Variants in EXOC4 observed in about 807,000 individuals in gnomAD.
EXOC4 encodes exocyst complex component 4, also known as SEC8-like 1.
Under a neutral mutation model 107.2 loss-of-function variants are expected in EXOC4, and 71 were observed. The ratio of observed to expected loss-of-function variants is 0.66; its 90% confidence interval spans 0.55 to 0.81. EXOC4 has a LOEUF of 0.81. Among genes scored for constraint, EXOC4 ranks in the 30% least tolerant of loss-of-function variants. EXOC4 has a pLI of 0.00. For synonymous variants in EXOC4, 456 were observed against 441.2 expected, an observed-to-expected ratio of 1.03 and a Z score of -0.42; for missense variants, 1,108 against 1,189.6, an observed-to-expected ratio of 0.93 and a Z score of 1.01.
chr7:133,864,054 C>T (rs1326710274), intron 11 of EXOC4, among the ~76,000 whole-genome samples: 3 of 152,078 alleles, frequency 2.0e-5, no homozygotes, highest in Non-Finnish European at 4.4e-5. Flanking sequence ...TGATTGCTGA[C>T]CATGTCTCTG....
chr7:133,947,605 G>C (rs370619611), intron 14 of EXOC4, among the ~76,000 whole-genome samples: 1 of 152,168 alleles, frequency 6.6e-6, no homozygotes, highest in African/African-American at 2.4e-5. Context: ...TCAGCTGGTC[G>C]TTAGTAGAGT....
At chr7:133,650,479 A>C (rs375289686) in intron 10 of EXOC4, among the ~76,000 whole-genome samples, 1 of 152,132 alleles carries the variant, frequency 6.6e-6, no homozygotes, top group Non-Finnish European at 1.5e-5. Flanking sequence ...TTAATCTTCA[A>C]ATTGGTGGGT....
At position 134,004,937 on chromosome 7, in the gene EXOC4, C is replaced by T; in HGVS notation, c.2374C>T (p.Pro792Ser). The T allele has an allele frequency of 6.2e-7, 1 of 1,613,218 alleles. No homozygotes were observed. Among genetic ancestry groups the T allele is most frequent in the Non-Finnish European group, 8.5e-7 (1 of 1,179,450 alleles). Reference protein sequence around the residue: ...VRVHCFHYLIPLAKEGNYAIV... With the variant: ...VRVHCFHYLISLAKEGNYAIV... Reference sequence around the variant, plus strand: ...GGTTCACTGTTTCCACTATCTTATCCCTCTTGCAAAGGAGGGGAACTATGC... The same window carrying T: ...GGTTCACTGTTTCCACTATCTTATCTCTCTTGCAAAGGAGGGGAACTATGC... Residue 792 changes from proline to serine, a missense_variant, in exon 16 of 18, where the codon CCT (proline) becomes TCT (serine). Transcript: ENST00000253861.
chr7:133,487,563 G>C (rs940638645), intron 9 of EXOC4, among the ~76,000 whole-genome samples: 2 of 152,062 alleles, frequency 1.3e-5, no homozygotes, highest in Non-Finnish European at 2.9e-5. Context: ...ACAAAAATCA[G>C]CTGGGTGTGG....
At chr7:133,433,239 A>C (rs1455466393) in intron 7 of EXOC4, among the ~76,000 whole-genome samples, 2 of 152,106 alleles carry the variant, frequency 1.3e-5, no homozygotes, top group Non-Finnish European at 1.5e-5. Flanking sequence ...TCATTCCCTA[A>C]CCTACCCCAC....
intron 9 of EXOC4, among the ~76,000 whole-genome samples, chr7:133,559,779 T>C (rs1009112373): frequency 6.6e-6 from 1 of 152,220 alleles, no homozygotes; most frequent in Admixed American, 6.5e-5. Flanking sequence ...TCTTTCTCAC[T>C]GTACACTTTT....
At chr7:133,770,664 T>C (rs763789521) in intron 10 of EXOC4, among the ~76,000 whole-genome samples, 5 of 151,894 alleles carry the variant, frequency 3.3e-5, no homozygotes, top group Non-Finnish European at 7.4e-5. Flanking sequence ...TGGGGAAACT[T>C]ACAAATTGTA....
At chr7:134,022,772 G>A (rs1337507178) in intron 17 of EXOC4, among the ~76,000 whole-genome samples, 2 of 152,116 alleles carry the variant, frequency 1.3e-5, no homozygotes, top group South Asian at 2.1e-4. Flanking sequence ...GGCCAGCATG[G>A]CATATTATCA....
chr7:133,679,160 A>G (rs552661674), intron 10 of EXOC4, among the ~76,000 whole-genome samples: 92 of 152,248 alleles, frequency 6.0e-4, no homozygotes, highest in African/African-American at 2.1e-3. Context: ...TACAGTTGCT[A>G]TTCATCTAAG....
intron 9 of EXOC4, among the ~76,000 whole-genome samples, chr7:133,570,067 G>T (rs979569892): frequency 6.6e-6 from 1 of 152,204 alleles, no homozygotes; most frequent in Non-Finnish European, 1.5e-5. Flanking sequence ...TGGCAGGAGA[G>T]GCTGCTGTGG....
At chr7:133,546,999 C>T (rs936214389) in intron 9 of EXOC4, among the ~76,000 whole-genome samples, 2 of 152,160 alleles carry the variant, frequency 1.3e-5, no homozygotes, top group African/African-American at 4.8e-5. Context: ...TTATTTGACA[C>T]TAGACAACAT....
Position 133,433,016 on chromosome 7 carries a change from A to G in EXOC4, c.1183-42312A>G, listed in dbSNP as rs576441269. 2.8e-4 allele frequency among the ~76,000 whole-genome samples: 43 copies of G among 152,354 alleles called. No homozygotes were observed. The South Asian group carries it at 8.7e-3, about 31-fold the overall frequency. ...ATCATGTCCGTTTATACGATATAAT[A>G]CCAATTTTACAGTTTTTTTCTGCTT... On this transcript the variant is annotated intron_variant, in intron 7 of 17. Transcript: ENST00000253861.
In EXOC4 at chr7:133,813,106, T is replaced by A. The variant is rs934046614; in HGVS notation, c.1515-4219T>A. Among the ~76,000 whole-genome samples, 6 of 152,180 alleles carry A rather than the reference T, an allele frequency of 3.9e-5. No individual in the cohort carries two copies. In the East Asian group the frequency reaches 1.2e-3, roughly 29 times the overall value. On this transcript the variant is annotated intron_variant, in intron 10 of 17. Coordinates refer to ENST00000253861, the MANE Select transcript of EXOC4 (RefSeq NM_021807.4). Reference sequence around the variant, plus strand: ...GGCTGACAACGTCAACCTGTATGTGTCATGTGAGATGGATGTGTATGCTTT... The same window carrying A: ...GGCTGACAACGTCAACCTGTATGTGACATGTGAGATGGATGTGTATGCTTT...
chr7:134,044,968 C>T (rs1795613427), intron 17 of EXOC4, among the ~76,000 whole-genome samples: 1 of 152,156 alleles, frequency 6.6e-6, no homozygotes, highest in Admixed American at 6.5e-5. Context: ...TGTAGTCAAA[C>T]TTTAACCCTG....
At chr7:133,355,867 AATTT>A (rs1426756571) in intron 5 of EXOC4, among the ~76,000 whole-genome samples, 2 of 152,238 alleles carry the variant, frequency 1.3e-5, no homozygotes, top group East Asian at 1.9e-4. Flanking sequence ...TTATAATTTT[AATTT>A]ATTTATCACT....
At chr7:133,262,142 A>C (rs1422759908) in intron 1 of EXOC4, among the ~76,000 whole-genome samples, 1 of 152,208 alleles carries the variant, frequency 6.6e-6, no homozygotes, top group Non-Finnish European at 1.5e-5. Flanking sequence ...TTTTAAAAAA[A>C]ATCTCTAAAA....
At chr7:134,028,954 T>C (rs1379988603) in intron 17 of EXOC4, among the ~76,000 whole-genome samples, 4 of 152,180 alleles carry the variant, frequency 2.6e-5, no homozygotes, top group Admixed American at 6.5e-5. Flanking sequence ...AGCAAAGAGA[T>C]GTGAAAGGAT....
chr7:133,875,216 T>C (rs780633363), intron 11 of EXOC4, among the ~76,000 whole-genome samples: 1 of 152,228 alleles, frequency 6.6e-6, no homozygotes. Context: ...TAATGACTGC[T>C]CTAGTTTCTC....
chr7:133,470,455 A>G (rs1430950630), intron 7 of EXOC4, among the ~76,000 whole-genome samples: 1 of 152,168 alleles, frequency 6.6e-6, no homozygotes, highest in East Asian at 1.9e-4. Flanking sequence ...CCTAGTTTAT[A>G]TGTTCTTTAA....
Sources: allele counts gnomAD v4.1 joint callset (sites outside exome capture counted in the v4.1 genomes callset), GRCh38; gene constraint gnomAD v4.1.1; transcripts MANE v1.5; gene names NCBI Gene and HGNC (gene_info 2026-07-23, HGNC 2026-07-21).